The following CLVS1 variants were observed in gnomAD, a reference collection of about 807,000 sequenced individuals.
CLVS1 encodes clavesin-1.
In CLVS1, 10 loss-of-function variants were observed where a neutral mutation model predicts 33.1. The observed-to-expected ratio is 0.30, with a 90% CI of 0.19 to 0.51. The LOEUF (loss-of-function observed/expected upper bound fraction) is 0.51, where lower values mean the gene tolerates loss of function less well. Among genes scored for constraint, CLVS1 ranks in the 20% least tolerant of loss-of-function variants. The probability of loss-of-function intolerance (pLI) is 0.97; values close to 1 mark genes in which losing one functional copy is unlikely to be tolerated. For synonymous variants in CLVS1, 163 were observed against 166.1 expected, an observed-to-expected ratio of 0.98 and a Z score of 0.14; for missense variants, 343 against 433.4, an observed-to-expected ratio of 0.79 and a Z score of 1.85.
chr8:61,041,368 T>C, the CLVS1 span, among the ~76,000 whole-genome samples: 2 of 152,016 alleles, frequency 1.3e-5, no homozygotes, highest in African/African-American at 4.8e-5. Flanking sequence ...CTGTGAAAAA[T>C]GGTGTTAGTA....
At chr8:61,093,327 T>A (rs547120884) in intron 1 of CLVS1, among the ~76,000 whole-genome samples, 2 of 152,318 alleles carry the variant, frequency 1.3e-5, no homozygotes, top group South Asian at 4.1e-4. Flanking sequence ...GCACTTTTCA[T>A]AACAATGGCT....
intron 2 of CLVS1, among the ~76,000 whole-genome samples, chr8:61,143,310 G>T (rs921184144): frequency 1.3e-5 from 2 of 152,234 alleles, no homozygotes; most frequent in Non-Finnish European, 2.9e-5. Flanking sequence ...CCCAGGATTC[G>T]CACTGTGGTC....
At chr8:61,483,035 G>A (rs1402316524) in intron 5 of CLVS1, among the ~76,000 whole-genome samples, 1 of 152,012 alleles carries the variant, frequency 6.6e-6, no homozygotes, top group Admixed American at 6.6e-5. Context: ...AAAAGAACTA[G>A]AGAAGCAAGA....
chr8:61,208,588 AT>A (rs1027244251), intron 2 of CLVS1, among the ~76,000 whole-genome samples: 40 of 150,032 alleles, frequency 2.7e-4, no homozygotes, highest in South Asian at 1.9e-3. Context: ...ACTGCACCCC[AT>A]TTTTTTTTCT....
chr8:61,430,256 G>C (rs1350107018), intron 3 of CLVS1, among the ~76,000 whole-genome samples: 1 of 152,266 alleles, frequency 6.6e-6, no homozygotes, highest in Non-Finnish European at 1.5e-5. Context: ...AGATGCATCG[G>C]TTCTCTAGAG....
chr8:61,397,193 C>G (rs538753197), intron 3 of CLVS1, among the ~76,000 whole-genome samples: 2 of 152,188 alleles, frequency 1.3e-5, no homozygotes, highest in Admixed American at 1.3e-4. Context: ...TCTTTGCCAG[C>G]CCTGGTTATT....
chr8:61,170,011 T>C (rs1286635478), intron 2 of CLVS1, among the ~76,000 whole-genome samples: 3 of 152,150 alleles, frequency 2.0e-5, no homozygotes, highest in East Asian at 1.9e-4. Flanking sequence ...ATAATTAATA[T>C]ATAATAAGCT....
chr8:61,008,694 A>G, the CLVS1 span, among the ~76,000 whole-genome samples: 1 of 152,122 alleles, frequency 6.6e-6, no homozygotes, highest in Non-Finnish European at 1.5e-5. Flanking sequence ...GAAGAAACAG[A>G]GATGTTAGAG....
At chr8:61,481,797 C>A (rs1818205370) in intron 5 of CLVS1, among the ~76,000 whole-genome samples, 1 of 152,336 alleles carries the variant, frequency 6.6e-6, no homozygotes, top group South Asian at 2.1e-4. Flanking sequence ...TAAAATGCAG[C>A]AGAAACTTCT....
chr8:61,380,342 C>T (rs2129601745), intron 3 of CLVS1, among the ~76,000 whole-genome samples: 1 of 152,248 alleles, frequency 6.6e-6, no homozygotes, highest in South Asian at 2.1e-4. Flanking sequence ...ATTAATGAGT[C>T]ATTATAACAA....
intron 2 of CLVS1, among the ~76,000 whole-genome samples, chr8:61,231,564 CA>C (rs1808433395): frequency 6.7e-6 from 1 of 149,102 alleles, no homozygotes; most frequent in South Asian, 2.1e-4. Context: ...CTCCCTGGCA[CA>C]AGGAGAGTTT....
At chr8:61,074,104 A>AAGTGCACTTTGGG (rs1356487464) in intron 1 of CLVS1, among the ~76,000 whole-genome samples, 3 of 151,140 alleles carry the variant, frequency 2.0e-5, no homozygotes, top group Admixed American at 6.6e-5. Flanking sequence ...TTGGGAGGCC[A>AAGTGCACTTTGGG]AGGCGGAAGC....
chr8:61,076,958 T>TGA (rs1804923998), intron 1 of CLVS1, among the ~76,000 whole-genome samples: 2 of 152,252 alleles, frequency 1.3e-5, no homozygotes, highest in African/African-American at 4.8e-5. Flanking sequence ...TGCGTTTCCC[T>TGA]GAGGCGTGGT....
At chr8:61,122,585 C>T (rs1805895105) in intron 1 of CLVS1, among the ~76,000 whole-genome samples, 1 of 149,836 alleles carries the variant, frequency 6.7e-6, no homozygotes. Context: ...CACACACACA[C>T]ACACACACAC....
chr8:61,295,886 A>G (rs1210519448), intron 1 of CLVS1, among the ~76,000 whole-genome samples: 4 of 152,152 alleles, frequency 2.6e-5, no homozygotes, highest in Non-Finnish European at 5.9e-5. Flanking sequence ...GAATCTGCAA[A>G]TGCCTAGAAC....
intron 2 of CLVS1, among the ~76,000 whole-genome samples, chr8:61,313,012 A>T (rs977499849): frequency 6.6e-6 from 1 of 152,112 alleles, no homozygotes; most frequent in Non-Finnish European, 1.5e-5. Context: ...GTCATCTTCC[A>T]CTTGAGTCAA....
chr8:61,322,649 T>C (rs1011440011), intron 2 of CLVS1, among the ~76,000 whole-genome samples: 15 of 152,166 alleles, frequency 9.9e-5, no homozygotes, highest in African/African-American at 3.4e-4. Flanking sequence ...AATGGAAAGA[T>C]AGGGCAGCTC....
intron 5 of CLVS1, among the ~76,000 whole-genome samples, chr8:61,466,391 A>T (rs1359014990): frequency 6.6e-6 from 1 of 152,184 alleles, no homozygotes; most frequent in Non-Finnish European, 1.5e-5. Flanking sequence ...GGAGATCATA[A>T]TGCCTAAATG....
At chr8:61,355,722 G>T (rs921861791) in intron 2 of CLVS1, among the ~76,000 whole-genome samples, 2 of 151,450 alleles carry the variant, frequency 1.3e-5, no homozygotes, top group Non-Finnish European at 2.9e-5. Flanking sequence ...TTTCATCCAT[G>T]TCCCTACAAA....
Sources: gnomAD v4.1 joint callset for allele counts (sites outside exome capture counted in the v4.1 genomes callset) on GRCh38, gnomAD v4.1.1 for gene constraint, MANE v1.5 for transcripts, NCBI Gene and HGNC (gene_info 2026-07-23, HGNC 2026-07-21) for gene names.